Variants in STMN2 observed in about 807,000 individuals in gnomAD.
STMN2 encodes the protein stathmin 2, also known as stathmin-2.
A neutral mutation model predicts 24.1 loss-of-function variants in STMN2; 2 were observed. That is an observed-to-expected ratio of 0.08 (90% CI 0.03 to 0.26). The LOEUF is 0.26. Ranked by LOEUF, STMN2 falls within the 10% of genes least tolerant of loss-of-function variation. The probability of loss-of-function intolerance (pLI) is 1.00; values close to 1 mark genes in which losing one functional copy is unlikely to be tolerated. For synonymous variants in STMN2, 83 were observed against 77.5 expected (o/e 1.07, Z -0.37); for missense variants, 114 against 213.6 (o/e 0.53, Z 2.91).
intron 3 of STMN2, among the ~76,000 whole-genome samples, chr8:79,649,363 A>G (rs1413630267): frequency 1.3e-5 from 2 of 151,838 alleles, no homozygotes; most frequent in African/African-American, 4.8e-5. Flanking sequence ...CCCATTACAC[A>G]CTTTAGCAGA....
At chr8:79,650,039 A>G (rs1195913491) in intron 3 of STMN2, among the ~76,000 whole-genome samples, 2 of 152,206 alleles carry the variant, frequency 1.3e-5, no homozygotes. Context: ...CTCAGTTCCC[A>G]TAATAGCAAG....
intron 4 of STMN2, among the ~76,000 whole-genome samples, chr8:79,656,538 A>C (rs907788755): frequency 6.6e-6 from 1 of 152,140 alleles, no homozygotes; most frequent in African/African-American, 2.4e-5. Context: ...TCCATTTGCT[A>C]AAGTTTACTC....
At chr8:79,611,813 T>A in intron 1 of STMN2, 1 of 555,680 alleles carries the variant, frequency 1.8e-6, no homozygotes, top group East Asian at 1.9e-4. Context: ...GGGGACAGGG[T>A]GGGGGTAGGA....
At chr8:79,642,929 A>G (rs954519304) in intron 3 of STMN2, among the ~76,000 whole-genome samples, 48 of 148,706 alleles carry the variant, frequency 3.2e-4, no homozygotes, top group Admixed American at 2.9e-3. Flanking sequence ...TGGTATATAG[A>G]GATATCTATA....
chr8:79,636,796 T>A lies in STMN2; in HGVS notation c.20-6T>A, dbSNP rs199700735. ...AAATATACTAATCTTCAGCTTTTCA[T>A]TTCAGCCTACAAGGAAAAAATGAAG... On this transcript the variant is annotated splice_region_variant and splice_polypyrimidine_tract_variant and intron_variant, in intron 1 of 4. Coordinates refer to ENST00000220876, the MANE Select transcript of STMN2 (RefSeq NM_007029.4). 6.2e-7 allele frequency: 1 copy of A among 1,613,248 alleles called. No homozygotes were observed. Among genetic ancestry groups the A allele is most frequent in the Non-Finnish European group, 8.5e-7 (1 of 1,179,460 alleles).
At chr8:79,635,990 G>C (rs1232581867) in intron 1 of STMN2, among the ~76,000 whole-genome samples, 3 of 152,186 alleles carry the variant, frequency 2.0e-5, no homozygotes, top group Non-Finnish European at 4.4e-5. Context: ...GCCAAGGTGG[G>C]TGGATTGCTT....
At chr8:79,631,431 G>T (rs1460783583) in intron 1 of STMN2, 2 of 985,032 alleles carry the variant, frequency 2.0e-6, no homozygotes, top group Non-Finnish European at 2.4e-6. Context: ...TTTGTAGAGA[G>T]AGATGGGTAG....
intron 4 of STMN2, among the ~76,000 whole-genome samples, chr8:79,655,503 T>C (rs1806324498): frequency 6.6e-6 from 1 of 152,054 alleles, no homozygotes. Context: ...TAGAAAAATA[T>C]ATTTGCCAGA....
At chr8:79,664,707 T>A in intron 4 of STMN2, 108 bp from the exon 5 acceptor site, 1 of 985,614 alleles carries the variant, frequency 1.0e-6, no homozygotes, top group East Asian at 3.1e-5. Context: ...ATGGGAAAAA[T>A]TCATAAAAGT....
intron 1 of STMN2, among the ~76,000 whole-genome samples, chr8:79,624,311 GGGTGT>G (rs1809592681): frequency 2.0e-5 from 3 of 151,838 alleles, no homozygotes; most frequent in Non-Finnish European, 2.9e-5. Context: ...AAAATTAGCC[GGGTGT>G]GGTGGCGGGT....
intron 1 of STMN2, among the ~76,000 whole-genome samples, chr8:79,625,333 A>G (rs1287905882): frequency 1.3e-5 from 2 of 152,160 alleles, no homozygotes; most frequent in East Asian, 3.9e-4. Flanking sequence ...TGTATTGGGT[A>G]CTTACTGAGT....
chr8:79,627,457 A>T (rs930304969), intron 1 of STMN2, among the ~76,000 whole-genome samples: 2 of 152,202 alleles, frequency 1.3e-5, no homozygotes, highest in Non-Finnish European at 2.9e-5. Flanking sequence ...AGTCCTTCTC[A>T]TGTCTTAAGA....
Position 79,613,781 on chromosome 8 carries a change from CATTTT to C in STMN2, c.19+2569_19+2573del, listed in dbSNP as rs1360249603. The C allele has an allele frequency of 3.0e-6, 3 of 985,226 alleles. No individual in the cohort carries two copies. The East Asian group carries it at 3.4e-4, about 112-fold the overall frequency. 61.0% of individuals were successfully genotyped at this position (985,226 alleles called of 1,614,324 possible). On this transcript the variant is annotated intron_variant, in intron 1 of 4. Transcript: ENST00000220876. ...AAAGGTAAATTTGTCTCCAGTTGTTCATTTTAAGTTATAAAGCAAATATATTTTTG... is the reference window on the plus strand; with the variant it reads ...AAAGGTAAATTTGTCTCCAGTTGTTCAAGTTATAAAGCAAATATATTTTTG...
intron 1 of STMN2, among the ~76,000 whole-genome samples, chr8:79,621,253 T>C (rs1439784188): frequency 6.6e-6 from 1 of 152,184 alleles, no homozygotes; most frequent in African/African-American, 2.4e-5. Flanking sequence ...AGGGTCTTTT[T>C]CAGACTCAAG....
intron 1 of STMN2, among the ~76,000 whole-genome samples, chr8:79,624,086 A>AT (rs1227804866): frequency 1.3e-5 from 2 of 152,136 alleles, no homozygotes; most frequent in South Asian, 2.1e-4. Flanking sequence ...CTGAGAATGA[A>AT]TTTTTTTAAG....
intron 1 of STMN2, among the ~76,000 whole-genome samples, chr8:79,621,392 G>C (rs1809512258): frequency 6.6e-6 from 1 of 152,222 alleles, no homozygotes; most frequent in African/African-American, 2.4e-5. Flanking sequence ...GGAACAAGGA[G>C]CGCAATCAAA....
chr8:79,612,447 A>G (rs1809262393), intron 1 of STMN2, among the ~76,000 whole-genome samples: 8 of 151,888 alleles, frequency 5.3e-5, no homozygotes, highest in Admixed American at 4.6e-4. Context: ...TATATAAAGC[A>G]AAAGAGGTCA....
In STMN2 at chr8:79,649,967, T is replaced by C. The variant is rs570524726; in HGVS notation, c.289-4904T>C. On this transcript the variant is annotated intron_variant, in intron 3 of 4. Coordinates refer to ENST00000220876, the MANE Select transcript of STMN2 (RefSeq NM_007029.4). ...TTCACGTACCTCTCATGTAATTATT[T>C]CAATGATTGAGTTCAGTGTGAGGAG... Among the ~76,000 whole-genome samples the C allele has an allele frequency of 7.9e-5, 12 of 152,330 alleles. No homozygotes were observed. In the South Asian group the frequency reaches 1.0e-3, roughly 13 times the overall value.
At chr8:79,664,666 C>A in intron 4 of STMN2, 149 bp from the exon 5 acceptor site, 1 of 511,548 alleles carries the variant, frequency 2.0e-6, no homozygotes, top group Non-Finnish European at 3.4e-6. Flanking sequence ...TCTAACATGA[C>A]ATTTTGCAGG....
Sources: allele counts gnomAD v4.1 joint callset (sites outside exome capture counted in the v4.1 genomes callset), GRCh38; gene constraint gnomAD v4.1.1; transcripts MANE v1.5; gene names NCBI Gene and HGNC (gene_info 2026-07-23, HGNC 2026-07-21).